MYT1: variants seen among roughly 807,000 people sequenced by gnomAD.
MYT1 encodes myelin transcription factor I.
Under a neutral mutation model 123.0 loss-of-function variants are expected in MYT1, and 23 were observed. The observed-to-expected ratio is 0.19, with a 90% CI of 0.13 to 0.26. The LOEUF (loss-of-function observed/expected upper bound fraction) is 0.26. Among genes scored for constraint, MYT1 ranks in the 10% least tolerant of loss-of-function variants. The pLI, the probability that MYT1 is intolerant of heterozygous loss-of-function variation, is 1.00. For missense variants in MYT1, 1,125 were observed against 1,472.5 expected (o/e 0.76, Z 3.86); for synonymous variants, 518 against 575.3 (o/e 0.90, Z 1.43).
intron 19 of MYT1, among the ~76,000 whole-genome samples, chr20:64,235,833 T>TGTGGTGGGTGACCCTGGGCTGGCC (rs1568722777): frequency 3.4e-5 from 1 of 29,812 alleles, no homozygotes. Context: ...CTGGGCTGGC[T>TGTGGTGGGTGACCCTGGGCTGGCC]GTGGTGGGTG....
At chr20:64,184,911 G>A (rs929664232) in intron 1 of MYT1, among the ~76,000 whole-genome samples, 20 of 152,192 alleles carry the variant, frequency 1.3e-4, no homozygotes, top group African/African-American at 3.9e-4. Flanking sequence ...ACAGGTGACC[G>A]ACAAGGTCAG....
intron 1 of MYT1, among the ~76,000 whole-genome samples, chr20:64,187,807 G>A (rs2145701494): frequency 6.6e-6 from 1 of 152,356 alleles, no homozygotes; most frequent in African/African-American, 2.4e-5. Context: ...CGGGTCCTCA[G>A]GCCCTTGTAA....
At chr20:64,206,572 C>T (rs958320818) in intron 6 of MYT1, among the ~76,000 whole-genome samples, 2 of 152,134 alleles carry the variant, frequency 1.3e-5, no homozygotes, top group African/African-American at 4.8e-5. Flanking sequence ...CCCAGCACTC[C>T]CCAAGCTTCT....
rs1983858891 is a variant in MYT1 at position 64,217,094 on chromosome 20, G to A, written c.1659G>A (p.Glu553=). 1 of 1,613,946 alleles carries A rather than the reference G, an allele frequency of 6.2e-7. No individual in the cohort carries two copies. The highest frequency in any genetic ancestry group is 1.7e-5 in the Admixed American group (1 of 60,034). Residue 553 remains glutamate (E), a synonymous_variant, in exon 11 of 23, where the codon GAG becomes GAA. Transcript: ENST00000328439. The part of the protein sequence containing the change: ...LRPMCFVKQL[E]VPPYGSYRPN... ...CCATGTGCTTCGTGAAGCAGCTCGA[G>A]GTCCCTCCATATGGGAGCTACCGGC...
chr20:64,177,543 G>A (rs1982497495), intron 1 of MYT1, among the ~76,000 whole-genome samples: 1 of 151,596 alleles, frequency 6.6e-6, no homozygotes, highest in African/African-American at 2.4e-5. Flanking sequence ...CCTCGGGGCG[G>A]GGACAAGAGG....
At chr20:64,228,107 C>CGCACTAAT in intron 18 of MYT1, 136 bp downstream of exon 18, 1 of 785,560 alleles carries the variant, frequency 1.3e-6, no homozygotes. Flanking sequence ...CGCCAACTTT[C>CGCACTAAT]GTTTCTTTCA....
At position 64,190,337 on chromosome 20, in the gene MYT1, A is replaced by G. The variant is rs1264641616; in HGVS notation, c.-1+177A>G. Reference sequence around the variant, plus strand: ...GGATCAGCAATGATCCGGTCACTTTAAAATTAAGGGAAGAAAAATGACTCT... The same window carrying G: ...GGATCAGCAATGATCCGGTCACTTTGAAATTAAGGGAAGAAAAATGACTCT... On this transcript the variant is annotated intron_variant, in intron 2 of 22. Transcript: ENST00000328439. This position sits in a 1 kb window ranked among gnomAD's most constrained non-coding sequence, Gnocchi z 4.1. Among the ~76,000 whole-genome samples, 1 of 152,240 alleles carries G rather than the reference A, an allele frequency of 6.6e-6. No homozygotes were observed. Among genetic ancestry groups the G allele is most frequent in the African/African-American group, 2.4e-5 (1 of 41,466 alleles).
rs1238819010 is a variant in MYT1, at chr20:64,222,048, G to T, written c.2396+1G>T. On this transcript the variant is annotated splice_donor_variant, in intron 14 of 22. Transcript: ENST00000328439. LOFTEE classifies it high-confidence loss of function. The stretch of plus-strand genomic sequence containing the variant: ...AGGACATAAAGAAGGAGCTGCTCAC[G>T]TAAGTCCCTGTTTGGCTGGCACAGC... 6.2e-7 allele frequency: 1 copy of T among 1,612,290 alleles called. No individual in the cohort carries two copies. The highest frequency in any genetic ancestry group is 8.5e-7 in the Non-Finnish European group (1 of 1,179,894).
Position 64,217,078 on chromosome 20 carries a change from T to C in MYT1, c.1643T>C (p.Phe548Ser). The C allele has an allele frequency of 6.2e-7, 1 of 1,613,562 alleles. No individual in the cohort carries two copies. Among genetic ancestry groups the C allele is most frequent in the Non-Finnish European group, 8.5e-7 (1 of 1,179,952 alleles). ...GTACTGCACCCCAGGCCCATGTGCTTCGTGAAGCAGCTCGAGGTCCCTCCA... is the reference window on the plus strand; with the variant it reads ...GTACTGCACCCCAGGCCCATGTGCTCCGTGAAGCAGCTCGAGGTCCCTCCA... Reference protein sequence around the residue: ...NSDRILRPMCFVKQLEVPPYG... With the variant: ...NSDRILRPMCSVKQLEVPPYG... The change falls in exon 11 of 23, where the codon TTC becomes TCC. Residue 548 changes from phenylalanine (F) to serine (S), a missense_variant. Physicochemically the swap from Phe to Ser is radical, Grantham distance 155. Coordinates refer to ENST00000328439, the MANE Select transcript of MYT1 (RefSeq NM_004535.3).
In MYT1 at chr20:64,213,597, G is replaced by T; in HGVS notation, c.1581G>T (p.Pro527=). 6.2e-7 allele frequency: 1 copy of T among 1,614,064 alleles called. No homozygotes were observed. Among genetic ancestry groups the T allele is most frequent in the Non-Finnish European group, 8.5e-7 (1 of 1,180,018 alleles). The change falls in exon 10 of 23, where the codon CCG becomes CCT. Residue 527 remains proline, a synonymous_variant. Transcript: ENST00000328439. This position sits in a 1 kb window ranked among gnomAD's most constrained non-coding sequence, Gnocchi z 5.6. ...CCAAATCCCATGAGAAGCAGCAGCCGCAGACAGGAGATCCTTCCAAGAGTA... is the reference window on the plus strand; with the variant it reads ...CCAAATCCCATGAGAAGCAGCAGCCTCAGACAGGAGATCCTTCCAAGAGTA... ...KLAKSHEKQQ[P]QTGDPSKSSS...
At chr20:64,237,555 G>A (rs1446329601) in intron 21 of MYT1, among the ~76,000 whole-genome samples, 165 bp downstream of exon 21, 1 of 152,248 alleles carries the variant, frequency 6.6e-6, no homozygotes, top group African/African-American at 2.4e-5. Flanking sequence ...CGTGCTGGCC[G>A]CTCACAATGC....
At chr20:64,220,342 TC>T (rs1983965265) in intron 13 of MYT1, among the ~76,000 whole-genome samples, 1 of 152,064 alleles carries the variant, frequency 6.6e-6, no homozygotes, top group Non-Finnish European at 1.5e-5. Flanking sequence ...AGCTCAGGTT[TC>T]TTGGGTTTTG....
intron 11 of MYT1, among the ~76,000 whole-genome samples, chr20:64,217,731 A>G (rs1178676313): frequency 2.0e-5 from 3 of 152,190 alleles, no homozygotes; most frequent in East Asian, 1.9e-4. Flanking sequence ...GTGGGGCCAG[A>G]TGACTGCGGG....
At chr20:64,205,310 G>A (rs1335600548) in intron 5 of MYT1, among the ~76,000 whole-genome samples, 3 of 140,496 alleles carry the variant, frequency 2.1e-5, no homozygotes, top group Non-Finnish European at 4.9e-5. Context: ...GACCTCCCGC[G>A]AGGCAGCGAC....
At chr20:64,235,636 C>A (rs577237123) in intron 19 of MYT1, among the ~76,000 whole-genome samples, 2,304 of 131,114 alleles carry the variant, frequency 0.018, 20 homozygotes, top group African/African-American at 0.066. Flanking sequence ...TGACCCTGGG[C>A]TGGCCGTGGT....
At chr20:64,235,309 C>T (rs1984478160) in intron 19 of MYT1, among the ~76,000 whole-genome samples, 1 of 94,144 alleles carries the variant, frequency 1.1e-5, no homozygotes, top group African/African-American at 5.2e-5. Context: ...CCCGAGCTGG[C>T]TGTGGTGGGT....
Position 64,241,976 on chromosome 20 carries a change from G to A in MYT1, c.*1528G>A, listed in dbSNP as rs773111389. The A allele has an allele frequency of 6.6e-6, 1 of 152,282 alleles. No homozygotes were observed. Among genetic ancestry groups the A allele is most frequent in the Non-Finnish European group, 1.5e-5 (1 of 68,020 alleles). The allele number at this position is 152,282 out of a possible 1,614,324, so 9.4% of individuals were successfully genotyped here. On this transcript the variant is annotated 3_prime_UTR_variant, in exon 23 of 23. Coordinates refer to ENST00000328439, the MANE Select transcript of MYT1 (RefSeq NM_004535.3). This position sits in a 1 kb window ranked among gnomAD's most constrained non-coding sequence, Gnocchi z 4.2. ...CACGGATAACAGCAAATGGAATTCTGTATTTATTATTATTTAAGTGTAGCG... is the reference window on the plus strand; with the variant it reads ...CACGGATAACAGCAAATGGAATTCTATATTTATTATTATTTAAGTGTAGCG...
At chr20:64,222,864 G>A (rs1568717025) in intron 14 of MYT1, among the ~76,000 whole-genome samples, 1 of 152,246 alleles carries the variant, frequency 6.6e-6, no homozygotes, top group South Asian at 2.1e-4. Context: ...GCACATGTGC[G>A]TCAGAGGCAT....
intron 4 of MYT1, among the ~76,000 whole-genome samples, chr20:64,201,967 G>GTGTGTTGGGAACCCC (rs1488017547): frequency 6.7e-6 from 1 of 148,266 alleles, no homozygotes; most frequent in African/African-American, 2.5e-5. Flanking sequence ...GGGAACCCCC[G>GTGTGTTGGGAACCCC]CGTGTCGGGA....
Sources: gnomAD v4.1 joint callset for allele counts (sites outside exome capture counted in the v4.1 genomes callset) on GRCh38, gnomAD v4.1.1 for gene constraint, Gnocchi (gnomAD v3.1) non-coding constraint, MANE v1.5 for transcripts, NCBI Gene and HGNC (gene_info 2026-07-23, HGNC 2026-07-21) for gene names.